Variants in BTAF1 observed in about 807,000 individuals in gnomAD.
The protein encoded by BTAF1 is B-TFIID TATA-box binding protein associated factor 1, also known as TATA-binding protein-associated factor 172.
A neutral mutation model predicts 227.1 loss-of-function variants in BTAF1; 38 were observed. That is an observed-to-expected ratio of 0.17 (90% CI 0.13 to 0.22). The LOEUF (loss-of-function observed/expected upper bound fraction) is 0.22, where lower values mean the gene tolerates loss of function less well. Ranked by LOEUF, BTAF1 falls within the 10% of genes least tolerant of loss-of-function variation. The probability of loss-of-function intolerance (pLI) is 1.00; values close to 1 mark genes in which losing one functional copy is unlikely to be tolerated. For synonymous variants in BTAF1, 742 were observed against 751.9 expected (o/e 0.99, Z 0.21); for missense variants, 1,598 against 2,204.0 (o/e 0.73, Z 5.51).
intron 4 of BTAF1, among the ~76,000 whole-genome samples, chr10:91,948,108 A>G (rs928953981): frequency 2.6e-5 from 4 of 152,058 alleles, no homozygotes; most frequent in African/African-American, 7.2e-5. Flanking sequence ...TGCTGCACGC[A>G]TTAACTCGTC....
chr10:92,007,789 C>G (rs185665701), intron 25 of BTAF1, among the ~76,000 whole-genome samples: 57 of 152,322 alleles, frequency 3.7e-4, no homozygotes, highest in East Asian at 1.9e-3. Context: ...AGAGCTAATA[C>G]CCTAGGGTAT....
intron 4 of BTAF1, among the ~76,000 whole-genome samples, chr10:91,943,182 C>T (rs1173939653): frequency 7.9e-5 from 12 of 152,138 alleles, no homozygotes; most frequent in Non-Finnish European, 1.5e-4. Flanking sequence ...GGCATGGTGG[C>T]GAGCGCCTGT....
rs759548504 is a variant in BTAF1, at chr10:91,959,832, C to G, written c.1038C>G (p.Leu346=). The change falls in exon 10 of 38, where the codon CTC becomes CTG. Residue 346 remains leucine (L), a synonymous_variant. Coordinates refer to ENST00000265990, the MANE Select transcript of BTAF1 (RefSeq NM_003972.3). ...GGTTGGAAGACTTGGTTATTAGACT[C>G]CTTTGTGTTTTTGCATTAGACAGAT... ...QEWLEDLVIR[L]LCVFALDRFG... 1.2e-6 allele frequency: 2 copies of G among 1,607,486 alleles called. No homozygotes were observed. The highest frequency in any genetic ancestry group is 1.3e-5 in the African/African-American group (1 of 74,352).
At chr10:92,024,625 A>G (rs756761829) in intron 34 of BTAF1, 131 bp from the exon 35 acceptor site, 10 of 762,012 alleles carry the variant, frequency 1.3e-5, no homozygotes, top group Non-Finnish European at 1.5e-5. Flanking sequence ...ATTGCAGCCC[A>G]AAGTGCTAAT....
At position 92,024,982 on chromosome 10, in the gene BTAF1, A is replaced by C. The variant is rs750859396; in HGVS notation, c.5075+15A>C. The C allele has an allele frequency of 3.1e-6, 5 of 1,601,120 alleles. No homozygotes were observed. The East Asian group carries it at 1.1e-4, about 36-fold the overall frequency. On this transcript the variant is annotated intron_variant, in intron 35 of 37. Transcript: ENST00000265990. ...ATTGTTTCCCGGTAAGTGGCTTCTA[A>C]GACTCTTATTCATAAATAAATATAT...
intron 1 of BTAF1, among the ~76,000 whole-genome samples, chr10:91,927,161 A>G (rs1843906435): frequency 6.7e-6 from 1 of 149,262 alleles, no homozygotes; most frequent in Non-Finnish European, 1.5e-5. Flanking sequence ...TTTTTGAGAC[A>G]GAGTTTTGCT....
At chr10:91,976,983 GCAT>G (rs894224503) in intron 14 of BTAF1, among the ~76,000 whole-genome samples, 1 of 152,172 alleles carries the variant, frequency 6.6e-6, no homozygotes, top group Non-Finnish European at 1.5e-5. Context: ...GACAGGGAAG[GCAT>G]CATGTTAGAA....
rs769341113 is a variant in BTAF1, at chr10:91,957,303, C to CTTCATTACAGT, written c.900+13_900+23dup. The CTTCATTACAGT allele has an allele frequency of 2.5e-6, 4 of 1,602,312 alleles. No homozygotes were observed. The highest frequency in any genetic ancestry group is 4.5e-5 in the East Asian group (2 of 44,644). On this transcript the variant is annotated intron_variant, in intron 8 of 37. Transcript: ENST00000265990. ...TAATCCCTCCTGGGAGGTAAGATTT[C>CTTCATTACAGT]TTCATTACAGTTTTTCTCAGCTCTA... is the stretch of plus-strand genomic sequence containing the variant.
At chr10:91,959,277 G>C in intron 9 of BTAF1, 123 bp downstream of exon 9, 1 of 1,510,660 alleles carries the variant, frequency 6.6e-7, no homozygotes. Flanking sequence ...GAAGAGATAT[G>C]AAAAGGTAAA....
intron 4 of BTAF1, among the ~76,000 whole-genome samples, chr10:91,943,072 G>T (rs1345384805): frequency 6.6e-6 from 1 of 152,248 alleles, no homozygotes; most frequent in South Asian, 2.1e-4. Context: ...CCAGCACTTT[G>T]AGAGGCCAAG....
At chr10:92,013,631 C>G (rs1246227822) in intron 30 of BTAF1, 36 bp from the exon 31 acceptor site, 9 of 1,613,118 alleles carry the variant, frequency 5.6e-6, no homozygotes, top group Non-Finnish European at 7.6e-6. Context: ...AGGAAATAAT[C>G]CCAGTACAAA....
At chr10:91,976,365 A>G (rs1416809444) in intron 14 of BTAF1, among the ~76,000 whole-genome samples, 1 of 152,184 alleles carries the variant, frequency 6.6e-6, no homozygotes, top group African/African-American at 2.4e-5. Context: ...GATTGATTGA[A>G]TTATTAGCCA....
intron 1 of BTAF1, among the ~76,000 whole-genome samples, chr10:91,927,283 C>T (rs1343387231): frequency 6.6e-6 from 1 of 151,984 alleles, no homozygotes; most frequent in Non-Finnish European, 1.5e-5. Context: ...GGATTACAGG[C>T]ATGCACCACC....
At chr10:91,932,537 A>G (rs1314668101) in intron 1 of BTAF1, among the ~76,000 whole-genome samples, 2 of 152,230 alleles carry the variant, frequency 1.3e-5, no homozygotes, top group African/African-American at 2.4e-5. Flanking sequence ...CAAATATTTG[A>G]ATACTGTGCA....
Position 92,008,792 on chromosome 10 carries a change from A to G in BTAF1, c.3814-37A>G, listed in dbSNP as rs143410743. The G allele has an allele frequency of 4.8e-3, 7,212 of 1,507,494 alleles. 23 individuals are homozygous for G. Among genetic ancestry groups the G allele is most frequent in the Non-Finnish European group, 6.1e-3 (6,810 of 1,120,936 alleles). 93.4% of individuals were successfully genotyped at this position (1,507,494 alleles called of 1,614,324 possible). Reference sequence around the variant, plus strand: ...TGTTTTTATAAGAAAAAATAAATTTATGATGTATTCACATTTATGATTTTT... The same window carrying G: ...TGTTTTTATAAGAAAAAATAAATTTGTGATGTATTCACATTTATGATTTTT... On this transcript the variant is annotated intron_variant, in intron 26 of 37. Transcript: ENST00000265990.
At chr10:91,943,171 G>A (rs923094859) in intron 4 of BTAF1, among the ~76,000 whole-genome samples, 5 of 151,992 alleles carry the variant, frequency 3.3e-5, no homozygotes, top group South Asian at 2.1e-4. Context: ...AAAATTAGCC[G>A]GGCATGGTGG....
In BTAF1 at chr10:92,017,448, A is replaced by G. The variant is rs148413204; in HGVS notation, c.4710+983A>G. Among the ~76,000 whole-genome samples the G allele has an allele frequency of 7.2e-4, 109 of 152,290 alleles. 1 individual carries two copies. The highest frequency in any genetic ancestry group is 6.3e-3 in the Admixed American group (96 of 15,300). ...ACAGAAAACCTCCTGCTAATAGATT[A>G]AGTACTGTAGCATTTTTAAAGATAT... On this transcript the variant is annotated intron_variant, in intron 33 of 37. Transcript: ENST00000265990.
At chr10:91,927,971 G>A (rs1040095227) in intron 1 of BTAF1, among the ~76,000 whole-genome samples, 4 of 129,728 alleles carry the variant, frequency 3.1e-5, no homozygotes, top group Non-Finnish European at 6.5e-5. Flanking sequence ...GAGTTTAACT[G>A]CCTTTTTTCT....
chr10:91,981,214 T>A (rs1848040346), intron 15 of BTAF1, among the ~76,000 whole-genome samples: 1 of 152,160 alleles, frequency 6.6e-6, no homozygotes, highest in Non-Finnish European at 1.5e-5. Context: ...AATCAAAACT[T>A]ATACTGTTTT....
Sources: gnomAD v4.1 joint callset for allele counts (sites outside exome capture counted in the v4.1 genomes callset) on GRCh38, gnomAD v4.1.1 for gene constraint, MANE v1.5 for transcripts, NCBI Gene and HGNC (gene_info 2026-07-23, HGNC 2026-07-21) for gene names.